CCDC149: variants seen among roughly 807,000 people sequenced by gnomAD.
CCDC149 encodes the protein coiled-coil domain-containing protein 149.
Under a neutral mutation model 59.9 loss-of-function variants are expected in CCDC149, and 45 were observed. The ratio of observed to expected loss-of-function variants is 0.75; its 90% CI spans 0.59 to 0.96. CCDC149 has a LOEUF of 0.96. Ranked by LOEUF, CCDC149 falls within the 40% of genes least tolerant of loss-of-function variation. The pLI is 0.00. For missense variants in CCDC149, 584 were observed against 664.7 expected (o/e 0.88, Z 1.33); for synonymous variants, 245 against 260.6 (o/e 0.94, Z 0.58).
intron 4 of CCDC149, among the ~76,000 whole-genome samples, chr4:24,847,860 A>C (rs953454462): frequency 3.9e-5 from 6 of 152,184 alleles, no homozygotes; most frequent in Non-Finnish European, 7.3e-5. Flanking sequence ...CAGTGACTTC[A>C]CTTTGGTAAC....
At chr4:24,849,790 A>C (rs1285725971) in intron 4 of CCDC149, among the ~76,000 whole-genome samples, 1 of 152,228 alleles carries the variant, frequency 6.6e-6, no homozygotes, top group Non-Finnish European at 1.5e-5. Context: ...AGAGATAAAA[A>C]TCTTCCACTT....
At chr4:24,958,545 C>T (rs1577506552) in intron 1 of CCDC149, among the ~76,000 whole-genome samples, 1 of 152,052 alleles carries the variant, frequency 6.6e-6, no homozygotes, top group African/African-American at 2.4e-5. Flanking sequence ...TTGACAAGGA[C>T]GTTAAAAGTC....
At chr4:24,957,361 C>T (rs1001663278) in intron 1 of CCDC149, among the ~76,000 whole-genome samples, 2 of 152,204 alleles carry the variant, frequency 1.3e-5, no homozygotes, top group Admixed American at 1.3e-4. Flanking sequence ...TTTAAGCTCA[C>T]ATGTATAACT....
In CCDC149 at chr4:24,819,764, C is replaced by T. The variant is rs145088147; in HGVS notation, c.1192+95G>A. 75 of 867,852 alleles carry T rather than the reference C, an allele frequency of 8.6e-5. No individual in the cohort carries two copies. The African/African-American group carries it at 9.8e-4, about 11-fold the overall frequency. The allele number at this position is 867,852 out of a possible 1,614,324, so 53.8% of individuals were successfully genotyped here. A position where few individuals can be genotyped will look rare whatever the true frequency, so the allele number is the denominator to read the frequency against. On this transcript the variant is annotated intron_variant, in intron 12 of 12. Transcript: ENST00000635206. ...TGTCCCAATGATGCCAAAGCAGCAG[C>T]ACAAAGGGGAAGGGGAAGAGACCGA...
chr4:24,912,920 T>C lies in CCDC149; in HGVS notation c.-41A>G. ...CTGGACCCCCGCCGCCTCCTCCTCC[T>C]CGCGACGTCGCGTCGCCGCCGCCGC... On this transcript the variant is annotated 5_prime_UTR_variant, in exon 1 of 13. Transcript: ENST00000635206. 1 of 1,148,810 alleles carries C rather than the reference T, an allele frequency of 8.7e-7. No homozygotes were observed. The highest frequency in any genetic ancestry group is 1.1e-6 in the Non-Finnish European group (1 of 891,740). The allele number at this position is 1,148,810 out of a possible 1,614,324, so 71.2% of individuals were successfully genotyped here. A position where few individuals can be genotyped will look rare whatever the true frequency, so the allele number is the denominator to read the frequency against.
intron 12 of CCDC149, among the ~76,000 whole-genome samples, chr4:24,813,823 T>C (rs1714832985): frequency 6.6e-6 from 1 of 151,766 alleles, no homozygotes; most frequent in Non-Finnish European, 1.5e-5. Flanking sequence ...AATGAAAGAG[T>C]GAAATCAGAG....
chr4:24,852,584 T>G lies in CCDC149; in HGVS notation c.372+488A>C, dbSNP rs1717734670. On this transcript the variant is annotated intron_variant, in intron 4 of 12. Transcript: ENST00000635206. ...TAACGTTGCCAACAGGGGAGTTTGATTAATACCAAGCAGTGGATTTTGAGC... is the reference window on the plus strand; with the variant it reads ...TAACGTTGCCAACAGGGGAGTTTGAGTAATACCAAGCAGTGGATTTTGAGC... 2.6e-5 allele frequency among the ~76,000 whole-genome samples: 4 copies of G among 152,172 alleles called. No homozygotes were observed. The South Asian group carries it at 8.3e-4, about 32-fold the overall frequency.
chr4:24,850,106 T>C (rs901371728), intron 4 of CCDC149, among the ~76,000 whole-genome samples: 5 of 152,240 alleles, frequency 3.3e-5, no homozygotes, highest in Non-Finnish European at 5.9e-5. Flanking sequence ...CAGATGGTAG[T>C]TGGTCTGTTT....
At chr4:24,809,061 T>C (rs1293206924) in intron 12 of CCDC149, among the ~76,000 whole-genome samples, 1 of 152,192 alleles carries the variant, frequency 6.6e-6, no homozygotes, top group African/African-American at 2.4e-5. Flanking sequence ...ACTTGGGCCA[T>C]GTCATAATCC....
At chr4:24,975,183 C>G (rs1022390622) in intron 1 of CCDC149, among the ~76,000 whole-genome samples, 1 of 151,964 alleles carries the variant, frequency 6.6e-6, no homozygotes, top group African/African-American at 2.4e-5. Flanking sequence ...AAATAAATTT[C>G]TGTTCTTTAT....
intron 1 of CCDC149, among the ~76,000 whole-genome samples, chr4:24,932,145 G>A (rs1722614361): frequency 6.6e-6 from 1 of 151,962 alleles, no homozygotes; most frequent in African/African-American, 2.4e-5. Flanking sequence ...TAACTTCCTT[G>A]TTAGCAAAGA....
At chr4:24,967,223 G>A (rs1723828728) in intron 1 of CCDC149, among the ~76,000 whole-genome samples, 1 of 152,110 alleles carries the variant, frequency 6.6e-6, no homozygotes, top group Admixed American at 6.6e-5. Context: ...CCAGCCTCAG[G>A]TCCTGCCACA....
intron 1 of CCDC149, among the ~76,000 whole-genome samples, chr4:24,884,429 T>C (rs1002976687): frequency 5.9e-5 from 9 of 152,154 alleles, no homozygotes; most frequent in African/African-American, 1.9e-4. Flanking sequence ...AATGATGAAA[T>C]TGCATAACAA....
intron 7 of CCDC149, 101 bp from the exon 8 acceptor site, chr4:24,835,133 CA>C: frequency 1.4e-6 from 1 of 725,090 alleles, no homozygotes; most frequent in Non-Finnish European, 2.4e-6. Context: ...GAACCCCTTG[CA>C]AACTCCAAGT....
chr4:24,904,058 C>T (rs1397111283), intron 1 of CCDC149, among the ~76,000 whole-genome samples: 1 of 152,146 alleles, frequency 6.6e-6, no homozygotes, highest in Non-Finnish European at 1.5e-5. Context: ...CCTCAGCCTC[C>T]CAAAGTGCTG....
chr4:24,847,786 A>C (rs1202362229), intron 4 of CCDC149, among the ~76,000 whole-genome samples: 1 of 152,118 alleles, frequency 6.6e-6, no homozygotes, highest in African/African-American at 2.4e-5. Context: ...GCTGCACTAC[A>C]CTGCTCCACT....
At chr4:24,915,315 C>G (rs957911732), upstream of CCDC149, among the ~76,000 whole-genome samples, 8 of 152,216 alleles carry the variant, frequency 5.3e-5, no homozygotes, top group African/African-American at 1.9e-4. Flanking sequence ...GTGGGCAGAA[C>G]TTGGTCCATC....
At chr4:24,925,315 C>A (rs1389504430) in intron 1 of CCDC149, among the ~76,000 whole-genome samples, 1 of 152,102 alleles carries the variant, frequency 6.6e-6, no homozygotes, top group African/African-American at 2.4e-5. Context: ...TTGGTTCAGC[C>A]CTCTGAGTTA....
intron 1 of CCDC149, among the ~76,000 whole-genome samples, chr4:24,893,085 A>G (rs1256967736): frequency 2.0e-5 from 3 of 152,190 alleles, no homozygotes; most frequent in Admixed American, 2.0e-4. Context: ...TGAATGTGCC[A>G]TTTAGTAACA....
Sources: gnomAD v4.1 joint callset for allele counts (sites outside exome capture counted in the v4.1 genomes callset) on GRCh38, gnomAD v4.1.1 for gene constraint, MANE v1.5 for transcripts, NCBI Gene and HGNC (gene_info 2026-07-23, HGNC 2026-07-21) for gene names.